BMAL2: variants seen among roughly 807,000 people sequenced by gnomAD.
BMAL2 encodes the protein basic helix-loop-helix ARNT-like protein 2.
the BMAL2 span, among the ~76,000 whole-genome samples, chr12:27,405,485 C>T: frequency 6.6e-6 from 1 of 152,236 alleles, no homozygotes; most frequent in African/African-American, 2.4e-5. Flanking sequence ...CCCAGGCAAA[C>T]AAGGTCTGGA....
At chr12:27,414,231 T>C in the BMAL2 span, among the ~76,000 whole-genome samples, 1 of 152,104 alleles carries the variant, frequency 6.6e-6, no homozygotes, top group African/African-American at 2.4e-5. Flanking sequence ...CAATACAATA[T>C]TAGTAGGGGA....
chr12:27,358,479 G>C, the BMAL2 span, among the ~76,000 whole-genome samples: 1 of 152,106 alleles, frequency 6.6e-6, no homozygotes, highest in South Asian at 2.1e-4. Flanking sequence ...TAGGAAACTG[G>C]AGATTCCTTA....
chr12:27,417,073 T>C, the BMAL2 span, among the ~76,000 whole-genome samples: 1 of 152,234 alleles, frequency 6.6e-6, no homozygotes, highest in African/African-American at 2.4e-5. Context: ...AGGTATCCAT[T>C]TTGCGTGAGG....
the BMAL2 span, chr12:27,400,382 T>C: frequency 1.6e-6 from 1 of 618,126 alleles, no homozygotes; most frequent in Non-Finnish European, 2.5e-6. Context: ...ATTGGTGATA[T>C]CTTTTCAATG....
chr12:27,400,835 G>A, the BMAL2 span: 50 of 1,422,520 alleles, frequency 3.5e-5, no homozygotes, highest in South Asian at 1.4e-4. Flanking sequence ...TATTAAAGGC[G>A]TGTCTTAGTA....
At chr12:27,339,264 A>G in the BMAL2 span, among the ~76,000 whole-genome samples, 1 of 152,316 alleles carries the variant, frequency 6.6e-6, no homozygotes, top group African/African-American at 2.4e-5. Context: ...CTCCAGTTCC[A>G]TTGATGTTCC....
At chr12:27,412,025 G>T in the BMAL2 span, among the ~76,000 whole-genome samples, 1,182 of 152,258 alleles carry the variant, frequency 7.8e-3, 13 homozygotes, top group African/African-American at 0.027. Context: ...GTTAGTTTGT[G>T]TATATGGGGT....
chr12:27,413,412 T>C, the BMAL2 span, among the ~76,000 whole-genome samples: 2 of 152,228 alleles, frequency 1.3e-5, no homozygotes, highest in Non-Finnish European at 1.5e-5. Flanking sequence ...GTAGAGTTTT[T>C]ATGTGCAGCT....
chr12:27,404,255 T>G, the BMAL2 span, among the ~76,000 whole-genome samples: 6 of 148,730 alleles, frequency 4.0e-5, no homozygotes, highest in Non-Finnish European at 7.4e-5. Context: ...ACTAATCACA[T>G]TAAAATATCT....
the BMAL2 span, chr12:27,332,859 G>C: frequency 8.4e-5 from 16 of 189,866 alleles, no homozygotes; most frequent in South Asian, 2.8e-3. Flanking sequence ...GCTGGCTCCA[G>C]TCCGCATGCT....
chr12:27,374,016 C>G, the BMAL2 span, among the ~76,000 whole-genome samples: 2 of 152,062 alleles, frequency 1.3e-5, no homozygotes, highest in Admixed American at 1.3e-4. Flanking sequence ...GAAGATCTTG[C>G]CTTTGTTCTA....
the BMAL2 span, chr12:27,416,054 A>G: frequency 3.9e-6 from 3 of 760,124 alleles, no homozygotes; most frequent in African/African-American, 3.6e-5. Flanking sequence ...CAAAAAAAAA[A>G]TGAACCCATT....
chr12:27,349,945 G>A, the BMAL2 span, among the ~76,000 whole-genome samples: 1 of 152,140 alleles, frequency 6.6e-6, no homozygotes, highest in Non-Finnish European at 1.5e-5. Context: ...TCCTCATGTC[G>A]GGTGTGGGAC....
the BMAL2 span, among the ~76,000 whole-genome samples, chr12:27,395,424 T>C: frequency 6.6e-6 from 1 of 152,190 alleles, no homozygotes; most frequent in Non-Finnish European, 1.5e-5. Context: ...CTGCGGACTT[T>C]TAACCCTTTG....
At chr12:27,410,751 AAAT>A in the BMAL2 span, among the ~76,000 whole-genome samples, 4,352 of 152,272 alleles carry the variant, frequency 0.029, 97 homozygotes, top group Non-Finnish European at 0.046. Context: ...GTAATAAAAA[AAAT>A]AATAATTTTT....
the BMAL2 span, among the ~76,000 whole-genome samples, chr12:27,371,926 G>C: frequency 5.3e-5 from 8 of 152,254 alleles, no homozygotes; most frequent in South Asian, 1.7e-3. Flanking sequence ...CTAACCTCTA[G>C]TATATTTTCT....
At chr12:27,379,724 A>T in the BMAL2 span, among the ~76,000 whole-genome samples, 1 of 152,132 alleles carries the variant, frequency 6.6e-6, no homozygotes, top group African/African-American at 2.4e-5. Context: ...TGAAAGATTG[A>T]GTGGAAATTG....
the BMAL2 span, among the ~76,000 whole-genome samples, chr12:27,374,317 T>G: frequency 1.3e-5 from 2 of 152,230 alleles, no homozygotes; most frequent in African/African-American, 4.8e-5. Flanking sequence ...CTAATTTTTC[T>G]TGTTATTATT....
the BMAL2 span, among the ~76,000 whole-genome samples, chr12:27,416,616 G>C: frequency 2.6e-5 from 4 of 152,112 alleles, no homozygotes; most frequent in Non-Finnish European, 5.9e-5. Flanking sequence ...AAGACTACAG[G>C]AGAAAGGAGA....
Sources: gnomAD v4.1 joint callset for allele counts (sites outside exome capture counted in the v4.1 genomes callset) on GRCh38, gnomAD v4.1.1 for gene constraint, MANE v1.5 for transcripts, NCBI Gene and HGNC (gene_info 2026-07-23, HGNC 2026-07-21) for gene names.